The following WHRN variants were observed in gnomAD, a reference collection of about 807,000 sequenced individuals.
WHRN encodes the protein whirlin.
In WHRN, 41 loss-of-function variants were observed where a neutral mutation model predicts 68.3. The ratio of observed to expected loss-of-function variants is 0.60; its 90% confidence interval spans 0.47 to 0.78. The LOEUF is 0.78. Ranked by LOEUF, WHRN falls within the 30% of genes least tolerant of loss-of-function variation. The probability of loss-of-function intolerance (pLI) is 0.00; values close to 1 mark genes in which losing one functional copy is unlikely to be tolerated. For synonymous variants in WHRN, 560 were observed against 561.3 expected (o/e 1.00, Z 0.03); for missense variants, 1,243 against 1,244.7 (o/e 1.00, Z 0.02).
intron 6 of WHRN, among the ~76,000 whole-genome samples, 161 bp from the exon 7 acceptor site, chr9:114,423,684 A>G (rs1836532596): frequency 6.6e-6 from 1 of 152,074 alleles, no homozygotes; most frequent in African/African-American, 2.4e-5. Flanking sequence ...AAACACCGTC[A>G]CCTGGACACC....
At chr9:114,491,935 G>A (rs557315470) in intron 1 of WHRN, among the ~76,000 whole-genome samples, 1 of 151,864 alleles carries the variant, frequency 6.6e-6, no homozygotes, top group East Asian at 1.9e-4. Context: ...GTCACTCCCG[G>A]GGTGACAAGG....
chr9:114,440,332 T>A (rs945192844), intron 3 of WHRN, among the ~76,000 whole-genome samples: 3 of 152,060 alleles, frequency 2.0e-5, no homozygotes, highest in African/African-American at 7.2e-5. Flanking sequence ...TGCCTCCTGG[T>A]TTCAAGTGAT....
At chr9:114,503,103 T>C (rs1844073226) in intron 1 of WHRN, 1 of 983,840 alleles carries the variant, frequency 1.0e-6, no homozygotes, top group African/African-American at 1.7e-5. Flanking sequence ...GGCTCAAGAC[T>C]CACCTGGACA....
chr9:114,419,512 A>T (rs1188553419), intron 7 of WHRN, among the ~76,000 whole-genome samples: 2 of 152,252 alleles, frequency 1.3e-5, no homozygotes, highest in Non-Finnish European at 2.9e-5. Flanking sequence ...ATAATAGGAC[A>T]TAATGAGGCA....
intron 3 of WHRN, among the ~76,000 whole-genome samples, chr9:114,457,967 T>G (rs534780976): frequency 3.3e-5 from 5 of 151,250 alleles, no homozygotes; most frequent in Non-Finnish European, 7.4e-5. Flanking sequence ...GGATTTTCTG[T>G]GTGTGGTTTC....
intron 1 of WHRN, among the ~76,000 whole-genome samples, chr9:114,502,652 T>C (rs1348581215): frequency 1.3e-5 from 2 of 152,194 alleles, no homozygotes; most frequent in Non-Finnish European, 2.9e-5. Context: ...AGTCTGCGTT[T>C]TGAATGCCCA....
intron 3 of WHRN, among the ~76,000 whole-genome samples, chr9:114,429,770 C>T (rs1281509290): frequency 1.3e-5 from 2 of 152,236 alleles, no homozygotes; most frequent in Non-Finnish European, 2.9e-5. Context: ...TCCCCTCTCT[C>T]TCCCAGCTGG....
At chr9:114,486,908 A>AGTGT (rs141910825) in intron 1 of WHRN, among the ~76,000 whole-genome samples, 663 of 34,102 alleles carry the variant, frequency 0.019, 29 homozygotes, top group Middle Eastern at 0.062. Flanking sequence ...GTGTGTGTAG[A>AGTGT]GTGTGTGTGT....
At chr9:114,413,403 G>A (rs1835590278) in intron 7 of WHRN, among the ~76,000 whole-genome samples, 1 of 152,224 alleles carries the variant, frequency 6.6e-6, no homozygotes, top group African/African-American at 2.4e-5. Flanking sequence ...GAGATGGAGG[G>A]ACAGGGATGT....
chr9:114,496,285 C>G (rs1345297357), intron 1 of WHRN, among the ~76,000 whole-genome samples: 1 of 152,166 alleles, frequency 6.6e-6, no homozygotes, highest in African/African-American at 2.4e-5. Flanking sequence ...TAAGGCCTCA[C>G]AGATCATCAG....
At chr9:114,464,372 TG>T (rs1840488065) in intron 3 of WHRN, among the ~76,000 whole-genome samples, 1 of 152,136 alleles carries the variant, frequency 6.6e-6, no homozygotes, top group Non-Finnish European at 1.5e-5. Flanking sequence ...TTTTGGAGGT[TG>T]GAAGTCCAAG....
intron 7 of WHRN, among the ~76,000 whole-genome samples, chr9:114,419,168 G>A (rs781001563): frequency 7.2e-5 from 11 of 152,108 alleles, no homozygotes; most frequent in Non-Finnish European, 1.3e-4. Flanking sequence ...TTTGAATCCT[G>A]GCTCCATCAC....
chr9:114,450,555 A>T (rs1169769246), intron 3 of WHRN, among the ~76,000 whole-genome samples: 2 of 152,154 alleles, frequency 1.3e-5, no homozygotes, highest in Non-Finnish European at 2.9e-5. Context: ...TTACCTTACA[A>T]GGTTATACTG....
At chr9:114,488,659 T>C (rs1006830728) in intron 1 of WHRN, among the ~76,000 whole-genome samples, 2 of 152,112 alleles carry the variant, frequency 1.3e-5, no homozygotes, top group Admixed American at 1.3e-4. Flanking sequence ...GACTGGAAAG[T>C]CCCTTCCCAT....
intron 2 of WHRN, among the ~76,000 whole-genome samples, chr9:114,473,632 G>A (rs528791987): frequency 6.6e-6 from 1 of 152,314 alleles, no homozygotes. Flanking sequence ...GAAGAGATAA[G>A]CCCCTGGGAA....
intron 3 of WHRN, among the ~76,000 whole-genome samples, chr9:114,437,073 T>A (rs1393976846): frequency 6.6e-6 from 1 of 152,122 alleles, no homozygotes; most frequent in African/African-American, 2.4e-5. Context: ...CACTGACTCA[T>A]GAGTAGACAG....
intron 3 of WHRN, among the ~76,000 whole-genome samples, chr9:114,435,177 C>T (rs868556997): frequency 1.3e-5 from 2 of 152,174 alleles, no homozygotes; most frequent in Non-Finnish European, 2.9e-5. Context: ...AGTTTGAGAT[C>T]GTACTAGACT....
chr9:114,493,378 G>GA (rs1447138989), intron 1 of WHRN, among the ~76,000 whole-genome samples: 3 of 134,542 alleles, frequency 2.2e-5, no homozygotes, highest in Admixed American at 1.5e-4. Context: ...AAAAGTGGGG[G>GA]TGGGGGGGTG....
At chr9:114,502,986 A>T in intron 1 of WHRN, 1 of 289,700 alleles carries the variant, frequency 3.5e-6, no homozygotes, top group Non-Finnish European at 5.2e-6. Context: ...GCCTTTTTCC[A>T]GAAGCTACAA....
Sources: allele counts gnomAD v4.1 joint callset (sites outside exome capture counted in the v4.1 genomes callset), GRCh38; gene constraint gnomAD v4.1.1; transcripts MANE v1.5; gene names NCBI Gene and HGNC (gene_info 2026-07-23, HGNC 2026-07-21).